PHF20: variants seen among roughly 807,000 people sequenced by gnomAD.
PHF20 encodes the protein glioma-expressed antigen 2.
Under a neutral mutation model 113.5 loss-of-function variants are expected in PHF20, and 23 were observed. That is an observed-to-expected ratio of 0.20 (90% CI 0.15 to 0.29). The LOEUF is 0.29. Among genes scored for constraint, PHF20 ranks in the 10% least tolerant of loss-of-function variants. The pLI, the probability that PHF20 is intolerant of heterozygous loss-of-function variation, is 1.00. For synonymous variants in PHF20, 434 were observed against 457.3 expected, an observed-to-expected ratio of 0.95 and a Z score of 0.65; for missense variants, 943 against 1,219.6, an observed-to-expected ratio of 0.77 and a Z score of 3.38.
At position 35,913,946 on chromosome 20, in the gene PHF20, G is replaced by A. The variant is rs145767109; in HGVS notation, c.1661-87G>A. On this transcript the variant is annotated intron_variant, in intron 11 of 17. Transcript: ENST00000374012. Reference sequence around the variant, plus strand: ...CCTGAGCCTTTGTGCTGCTTGAAAAGGAGGCTTGTTGGTTGGATGAGATTG... The same window carrying A: ...CCTGAGCCTTTGTGCTGCTTGAAAAAGAGGCTTGTTGGTTGGATGAGATTG... 1,646 of 1,328,882 alleles carry A rather than the reference G, an allele frequency of 1.2e-3. 13 individuals are homozygous for A. In the African/African-American group the frequency reaches 0.02, roughly 17 times the overall value. The allele number at this position is 1,328,882 out of a possible 1,614,324, so 82.3% of individuals were successfully genotyped here.
chr20:35,802,125 TG>T, intron 2 of PHF20, among the ~76,000 whole-genome samples: 1 of 152,284 alleles, frequency 6.6e-6, no homozygotes, highest in Middle Eastern at 3.4e-3. Flanking sequence ...TTGTGACCTC[TG>T]GCTGGTAATT....
intron 4 of PHF20, chr20:35,849,465 A>G (rs1014549774): frequency 5.4e-5 from 25 of 466,828 alleles, no homozygotes; most frequent in Non-Finnish European, 1.0e-4. Context: ...GCAGGGCAGG[A>G]TGGTGCAGGT....
At chr20:35,800,336 A>G (rs1034939075) in intron 1 of PHF20, among the ~76,000 whole-genome samples, 2 of 152,178 alleles carry the variant, frequency 1.3e-5, no homozygotes, top group African/African-American at 4.8e-5. Flanking sequence ...GAGGCAGGAG[A>G]ATCACTTGAA....
At chr20:35,938,017 A>C (rs1600969268) in intron 15 of PHF20, among the ~76,000 whole-genome samples, 3 of 151,908 alleles carry the variant, frequency 2.0e-5, no homozygotes, top group Admixed American at 2.0e-4. Context: ...GACAACAGGC[A>C]CCCGCCACCA....
At chr20:35,920,748 A>G (rs2055496072) in intron 13 of PHF20, among the ~76,000 whole-genome samples, 1 of 152,178 alleles carries the variant, frequency 6.6e-6, no homozygotes, top group South Asian at 2.1e-4. Flanking sequence ...ACATACACAC[A>G]TACATACCCA....
intron 5 of PHF20, among the ~76,000 whole-genome samples, chr20:35,859,980 G>T (rs2054189038): frequency 6.6e-6 from 1 of 152,160 alleles, no homozygotes; most frequent in African/African-American, 2.4e-5. Flanking sequence ...AAGTGCAGTG[G>T]CCCAATCTCT....
intron 2 of PHF20, among the ~76,000 whole-genome samples, chr20:35,825,253 C>T (rs1160179677): frequency 6.6e-6 from 1 of 152,162 alleles, no homozygotes; most frequent in East Asian, 1.9e-4. Context: ...AACTCCTGGG[C>T]TCAAGTGATT....
At chr20:35,787,850 T>C (rs143535629) in intron 1 of PHF20, among the ~76,000 whole-genome samples, 6,279 of 147,322 alleles carry the variant, frequency 0.043, 230 homozygotes, top group South Asian at 0.21. Flanking sequence ...GCGCAATCTT[T>C]GCTCACTGCA....
chr20:35,913,897 A>G, intron 11 of PHF20, 136 bp from the exon 12 acceptor site: 1 of 758,062 alleles, frequency 1.3e-6, no homozygotes, highest in Non-Finnish European at 2.2e-6. Flanking sequence ...TCTGCTCTCC[A>G]CACCTCTTTT....
chr20:35,895,354 C>T lies in PHF20; in HGVS notation c.1283-4016C>T, dbSNP rs1480968879. Reference sequence around the variant, plus strand: ...TTGTATTTTAGTAGAGATGGGGTTTCGCCATGTTGGCCAGGCTGGTCTTGA... The same window carrying T: ...TTGTATTTTAGTAGAGATGGGGTTTTGCCATGTTGGCCAGGCTGGTCTTGA... On this transcript the variant is annotated intron_variant, in intron 9 of 17. Coordinates refer to ENST00000374012, the MANE Select transcript of PHF20 (RefSeq NM_016436.5). Among the ~76,000 whole-genome samples the T allele has an allele frequency of 4.0e-5, 6 of 151,590 alleles. No homozygotes were observed. The South Asian group carries it at 1.0e-3, about 26-fold the overall frequency.
chr20:35,803,684 A>ATATGTGTGTG (rs1555917992), intron 2 of PHF20, among the ~76,000 whole-genome samples: 2 of 144,386 alleles, frequency 1.4e-5, no homozygotes, highest in African/African-American at 2.7e-5. Context: ...GTATATATAT[A>ATATGTGTGTG]TGTGTGTGTG....
At chr20:35,942,968 T>C (rs372773879) in intron 17 of PHF20, among the ~76,000 whole-genome samples, 9 of 152,086 alleles carry the variant, frequency 5.9e-5, no homozygotes, top group East Asian at 1.9e-4. Context: ...GGACTACAGG[T>C]GCCCGCCACC....
chr20:35,872,289 G>A lies in PHF20; in HGVS notation c.1282+460G>A, dbSNP rs1313503626. The stretch of plus-strand genomic sequence containing the variant: ...TGTAATCCCAGCACTTTGGGAGGCC[G>A]AGGTGGGTGGATTGCCTGAGGTGGA... On this transcript the variant is annotated intron_variant, in intron 9 of 17. Coordinates refer to ENST00000374012, the MANE Select transcript of PHF20 (RefSeq NM_016436.5). Among the ~76,000 whole-genome samples, 11 of 152,140 alleles carry A rather than the reference G, an allele frequency of 7.2e-5. No homozygotes were observed. The South Asian group carries it at 1.9e-3, about 26-fold the overall frequency.
At chr20:35,821,911 G>A (rs1460368268) in intron 2 of PHF20, among the ~76,000 whole-genome samples, 1 of 152,122 alleles carries the variant, frequency 6.6e-6, no homozygotes, top group Admixed American at 6.6e-5. Context: ...TTTTTCTCTC[G>A]GTACCAGTAG....
At chr20:35,865,499 T>G (rs1423884816) in intron 6 of PHF20, among the ~76,000 whole-genome samples, 8 of 105,206 alleles carry the variant, frequency 7.6e-5, no homozygotes, top group African/African-American at 1.0e-4. Flanking sequence ...TAAGTTGTGT[T>G]TTTTTTTTTT....
At chr20:35,932,294 C>A (rs1333121725) in intron 15 of PHF20, among the ~76,000 whole-genome samples, 1 of 151,594 alleles carries the variant, frequency 6.6e-6, no homozygotes, top group Non-Finnish European at 1.5e-5. Flanking sequence ...GTCTTGAACT[C>A]CTGACCTCAA....
intron 1 of PHF20, among the ~76,000 whole-genome samples, chr20:35,775,921 TC>T (rs1399873905): frequency 6.6e-6 from 1 of 152,004 alleles, no homozygotes; most frequent in Non-Finnish European, 1.5e-5. Flanking sequence ...CAAGCGATCC[TC>T]CCCTCAGCCT....
chr20:35,827,715 G>A (rs756449043), intron 2 of PHF20, among the ~76,000 whole-genome samples: 4 of 151,280 alleles, frequency 2.6e-5, no homozygotes, highest in Non-Finnish European at 5.9e-5. Flanking sequence ...CCCGGGAGGC[G>A]GAGCTTGCAG....
At chr20:35,931,866 G>A (rs2055761907) in intron 15 of PHF20, among the ~76,000 whole-genome samples, 2 of 151,780 alleles carry the variant, frequency 1.3e-5, no homozygotes, top group South Asian at 4.2e-4. Flanking sequence ...CGGGAGCATC[G>A]CTTGAACCCG....
Sources: gnomAD v4.1 joint callset for allele counts (sites outside exome capture counted in the v4.1 genomes callset) on GRCh38, gnomAD v4.1.1 for gene constraint, MANE v1.5 for transcripts, NCBI Gene and HGNC (gene_info 2026-07-23, HGNC 2026-07-21) for gene names.